The following PTPRU variants were observed in gnomAD, a reference collection of about 807,000 sequenced individuals.
PTPRU encodes the protein receptor-type tyrosine-protein phosphatase U.
In PTPRU, 69 loss-of-function variants were observed where a neutral mutation model predicts 166.3. The ratio of observed to expected loss-of-function variants is 0.41; its 90% CI spans 0.34 to 0.51. The LOEUF is 0.51. Among genes scored for constraint, PTPRU ranks in the 20% least tolerant of loss-of-function variants. The pLI, the probability that PTPRU is intolerant of heterozygous loss-of-function variation, is 0.09. For synonymous variants in PTPRU, 793 were observed against 814.0 expected (o/e 0.97, Z 0.44); for missense variants, 1,657 against 2,013.7 (o/e 0.82, Z 3.39).
Position 29,259,249 on chromosome 1 carries a change from C to A in PTPRU, c.478-12C>A. 1 of 1,610,138 alleles carries A rather than the reference C, an allele frequency of 6.2e-7. No individual in the cohort carries two copies. The highest frequency in any genetic ancestry group is 1.7e-5 in the Admixed American group (1 of 59,718). On this transcript the variant is annotated splice_polypyrimidine_tract_variant and intron_variant, in intron 3 of 29. Transcript: ENST00000373779. Reference sequence around the variant, plus strand: ...AATATCAGTATGATAGGGGCCCTCCCGCCTCCCCCAGGTGCTGTTTGAGGC... The same window carrying A: ...AATATCAGTATGATAGGGGCCCTCCAGCCTCCCCCAGGTGCTGTTTGAGGC...
rs1056035512 is a variant in PTPRU, at chr1:29,326,602, T to A, written c.*941T>A. 6.6e-6 allele frequency: 1 copy of A among 152,314 alleles called. No homozygotes were observed. The highest frequency in any genetic ancestry group is 2.4e-5 in the African/African-American group (1 of 41,426). 9.4% of individuals were successfully genotyped at this position (152,314 alleles called of 1,614,324 possible). ...AGGAAGAGGTAGGACCAGTGCTTTTTTGTTTCTTTTGTTATTTTTGGTTGG... is the reference window on the plus strand; with the variant it reads ...AGGAAGAGGTAGGACCAGTGCTTTTATGTTTCTTTTGTTATTTTTGGTTGG... On this transcript the variant is annotated 3_prime_UTR_variant, in exon 30 of 30. Transcript: ENST00000373779.
chr1:29,278,524 T>C (rs936204160), intron 8 of PTPRU, among the ~76,000 whole-genome samples: 1 of 152,254 alleles, frequency 6.6e-6, no homozygotes, highest in African/African-American at 2.4e-5. Flanking sequence ...ATTAATTTTC[T>C]TTAAGCTCAT....
intron 18 of PTPRU, among the ~76,000 whole-genome samples, chr1:29,306,134 G>A (rs1687380045): frequency 6.6e-6 from 1 of 152,234 alleles, no homozygotes; most frequent in Non-Finnish European, 1.5e-5. Flanking sequence ...CTGCTGTGAG[G>A]CTGTCCTGCC....
At chr1:29,312,787 C>A in intron 22 of PTPRU, 81 bp downstream of exon 22, 4 of 1,484,452 alleles carry the variant, frequency 2.7e-6, no homozygotes, top group Non-Finnish European at 2.7e-6. Flanking sequence ...GGTTCAGGAT[C>A]TGTAGTGGGG....
chr1:29,304,809 A>C lies in PTPRU; in HGVS notation c.2703A>C (p.Lys901Asn). The C allele has an allele frequency of 6.2e-7, 1 of 1,612,820 alleles. No homozygotes were observed. The highest frequency in any genetic ancestry group is 8.5e-7 in the Non-Finnish European group (1 of 1,178,978). Reference sequence around the variant, plus strand: ...AAGGCTGGGACGCCACAAAGAAGAAAGACAAGGTCAAGGGCAGCCGGCAGG... The same window carrying C: ...AAGGCTGGGACGCCACAAAGAAGAACGACAAGGTCAAGGGCAGCCGGCAGG... ...FFEGWDATKK[K>N]DKVKGSRQEP... The change falls in exon 17 of 30, where the codon AAA becomes AAC. Residue 901 changes from lysine to asparagine, a missense_variant. Lys to Asn is a moderately conservative substitution (Grantham distance 94, BLOSUM62 0). Coordinates refer to ENST00000373779, the MANE Select transcript of PTPRU (RefSeq NM_133178.4).
chr1:29,264,413 T>C lies in PTPRU; in HGVS notation c.1144+3510T>C, dbSNP rs1685197601. 2.0e-5 allele frequency among the ~76,000 whole-genome samples: 3 copies of C among 152,184 alleles called. No homozygotes were observed. In the South Asian group the frequency reaches 6.2e-4, roughly 32 times the overall value. On this transcript the variant is annotated intron_variant, in intron 7 of 29. Transcript: ENST00000373779. ...GAAGATTTACTCCTGTGTTTTTTTC[T>C]AATAGTTTTATAGTGTCAGCTATTA...
In PTPRU at chr1:29,315,410, A is replaced by G; in HGVS notation, c.3266A>G (p.Asp1089Gly). Residue 1089 changes from aspartate (D) to glycine (G), a missense_variant, in exon 23 of 30, where the codon GAT becomes GGT. By Grantham distance (94) the Asp-to-Gly change is moderately conservative (BLOSUM62 -1). Transcript: ENST00000373779. This position sits in a 1 kb window ranked among gnomAD's most constrained non-coding sequence, Gnocchi z 4.5. ...CGCACAGGTTGCTATATCGTCCTGG[A>G]TGTGATGCTGGACATGGCAGAGTGT... ...TGRTGCYIVL[D>G]VMLDMAECEG... 6.2e-7 allele frequency: 1 copy of G among 1,614,092 alleles called. No individual in the cohort carries two copies. The highest frequency in any genetic ancestry group is 8.5e-7 in the Non-Finnish European group (1 of 1,180,022).
At position 29,325,786 on chromosome 1, in the gene PTPRU, A is replaced by T; in HGVS notation, c.*125A>T. ...TCCCATGGGGCAAGCACTGGAGTGGATGCTGGGCTATCTTGCTCCCCCTTC... is the reference window on the plus strand; with the variant it reads ...TCCCATGGGGCAAGCACTGGAGTGGTTGCTGGGCTATCTTGCTCCCCCTTC... On this transcript the variant is annotated 3_prime_UTR_variant, in exon 30 of 30. Coordinates refer to ENST00000373779, the MANE Select transcript of PTPRU (RefSeq NM_133178.4). 1 of 1,064,602 alleles carries T rather than the reference A, an allele frequency of 9.4e-7. No individual in the cohort carries two copies. Among genetic ancestry groups the T allele is most frequent in the Non-Finnish European group, 1.3e-6 (1 of 753,236 alleles). 65.9% of individuals were successfully genotyped at this position (1,064,602 alleles called of 1,614,324 possible).
At chr1:29,269,246 ATTTTTTTT>A (rs1175870568) in intron 7 of PTPRU, among the ~76,000 whole-genome samples, 32 of 20,584 alleles carry the variant, frequency 1.6e-3, no homozygotes, top group African/African-American at 4.0e-3. Flanking sequence ...ATATATATAT[ATTTTTTTT>A]TTTTTTTTTT....
chr1:29,295,214 T>TC (rs1686827544), intron 15 of PTPRU, among the ~76,000 whole-genome samples: 1 of 152,076 alleles, frequency 6.6e-6, no homozygotes, highest in Non-Finnish European at 1.5e-5. Context: ...CTTTGCATTT[T>TC]TTTTTTTTTG....
rs766339466 is a variant in PTPRU, at chr1:29,258,716, C to T, written c.417C>T (p.His139=). The T allele has an allele frequency of 3.4e-5, 54 of 1,609,724 alleles. No homozygotes were observed. The highest frequency in any genetic ancestry group is 5.0e-5 in the Admixed American group (3 of 59,448). The change falls in exon 3 of 30, where the codon CAC becomes CAT. Residue 139 remains histidine (H), a synonymous_variant. Coordinates refer to ENST00000373779, the MANE Select transcript of PTPRU (RefSeq NM_133178.4). ...GSAVWNMTGS[H]GRQWHQAELA... is the part of the protein sequence containing the mutation. ...CTGTGTGGAATATGACTGGATCCCA[C>T]GGCCGTCAGTGGCACCAGGCTGAGC...
intron 15 of PTPRU, among the ~76,000 whole-genome samples, chr1:29,293,129 G>A (rs1328712028): frequency 2.6e-5 from 4 of 152,224 alleles, no homozygotes; most frequent in Non-Finnish European, 2.9e-5. Flanking sequence ...ACAGGTGTGC[G>A]CCACCACACC....
chr1:29,292,578 G>A lies in PTPRU; in HGVS notation c.2476+552G>A, dbSNP rs1352975605. ...TGCTTGTATTCACAGAATATAGTGA[G>A]TCAGCCGTTATGTACTAGGTCTGTG... On this transcript the variant is annotated intron_variant, in intron 15 of 29. Coordinates refer to ENST00000373779, the MANE Select transcript of PTPRU (RefSeq NM_133178.4). Among the ~76,000 whole-genome samples, 3 of 152,202 alleles carry A rather than the reference G, an allele frequency of 2.0e-5. No homozygotes were observed. In the East Asian group the frequency reaches 5.8e-4, roughly 29 times the overall value.
At chr1:29,307,200 C>T in intron 18 of PTPRU, 6 of 1,574,684 alleles carry the variant, frequency 3.8e-6, no homozygotes, top group Non-Finnish European at 5.2e-6. Flanking sequence ...GTCTGTCTGA[C>T]TGGCTGTATC....
Position 29,280,242 on chromosome 1 carries a change from C to A in PTPRU, c.1868+101C>A. On this transcript the variant is annotated intron_variant, in intron 11 of 29. Transcript: ENST00000373779. The surrounding 1 kb of genome is among the most constrained non-coding windows in gnomAD (Gnocchi z 4.2). ...CCCAGGCCAGCTCACCCTTTTCCTC[C>A]CTCAGTCTCCCACGCAGGGCTTGGA... 1 of 1,158,550 alleles carries A rather than the reference C, an allele frequency of 8.6e-7. No homozygotes were observed. The highest frequency in any genetic ancestry group is 1.2e-6 in the Non-Finnish European group (1 of 809,390). The allele number at this position is 1,158,550 out of a possible 1,614,324, so 71.8% of individuals were successfully genotyped here.
At chr1:29,298,649 C>A (rs540517997) in intron 15 of PTPRU, among the ~76,000 whole-genome samples, 2 of 152,142 alleles carry the variant, frequency 1.3e-5, no homozygotes, top group Non-Finnish European at 2.9e-5. Flanking sequence ...GGGTGCCAGT[C>A]GGTGTTGGCC....
At position 29,311,303 on chromosome 1, in the gene PTPRU, C is replaced by T. The variant is rs562665260; in HGVS notation, c.2858-153C>T. ...ACCTCAGGGCCCTACAGGCATGCGT[C>T]AGCTGCAAGCTGGGTGTTGTGGGCA... On this transcript the variant is annotated intron_variant, in intron 19 of 29. Coordinates refer to ENST00000373779, the MANE Select transcript of PTPRU (RefSeq NM_133178.4). The surrounding 1 kb of genome is among the most constrained non-coding windows in gnomAD (Gnocchi z 4.1). 2.2e-5 allele frequency: 15 copies of T among 691,450 alleles called. No individual in the cohort carries two copies. The East Asian group carries it at 3.0e-4, about 14-fold the overall frequency. The allele number at this position is 691,450 out of a possible 1,614,324, so 42.8% of individuals were successfully genotyped here.
Position 29,279,529 on chromosome 1 carries a change from T to G in PTPRU, c.1637T>G (p.Leu546Arg). ...VPGPRRTISK[L>R]RNETYHVFSN... ...GGCCCACGACGTACCATCTCCAAGC[T>G]CCGCAATGAGACCTACCATGTCTTC... Residue 546 changes from leucine to arginine, a missense_variant, in exon 10 of 30, where the codon CTC (leucine) becomes CGC (arginine). Around this residue, in one of 3 missense-constraint regions of PTPRU, gnomAD observed 1,190 missense variants for 1,477.4 expected, o/e 0.81. Transcript: ENST00000373779. The surrounding 1 kb of genome is among the most constrained non-coding windows in gnomAD (Gnocchi z 5.2). The G allele has an allele frequency of 6.2e-7, 1 of 1,613,886 alleles. No homozygotes were observed. Among genetic ancestry groups the G allele is most frequent in the Non-Finnish European group, 8.5e-7 (1 of 1,179,960 alleles).
rs771105941 is a variant in PTPRU at position 29,280,059 on chromosome 1, G to C, written c.1786G>C (p.Asp596His). Residue 596 changes from aspartate (D) to histidine (H), a missense_variant, in exon 11 of 30, where the codon GAC becomes CAC. Physicochemically the swap from Asp to His is moderately conservative, Grantham distance 81 (BLOSUM62 -1). Around this residue, in one of 3 missense-constraint regions of PTPRU, gnomAD observed 1,190 missense variants for 1,477.4 expected, o/e 0.81. Transcript: ENST00000373779. This position sits in a 1 kb window ranked among gnomAD's most constrained non-coding sequence, Gnocchi z 4.2. ...TCCAGCTCCCAGCTTTGATTATGCC[G>C]ACATGCCGTCACCCCTGGGCGAGTC... ...NISAPSFDYA[D>H]MPSPLGESEN... is the part of the protein sequence containing the mutation. 4.3e-6 allele frequency: 7 copies of C among 1,613,504 alleles called. No individual in the cohort carries two copies. The highest frequency in any genetic ancestry group is 5.9e-6 in the Non-Finnish European group (7 of 1,179,908).
Sources: gnomAD v4.1 joint callset for allele counts (sites outside exome capture counted in the v4.1 genomes callset) on GRCh38, gnomAD v4.1.1 for gene constraint, gnomAD v4.1.1 regional missense constraint, Gnocchi (gnomAD v3.1) non-coding constraint, MANE v1.5 for transcripts, NCBI Gene and HGNC (gene_info 2026-07-23, HGNC 2026-07-21) for gene names.